The following PRMT8 variants were observed in gnomAD, a reference collection of about 807,000 sequenced individuals.
The protein encoded by PRMT8 is protein arginine N-methyltransferase 8.
A neutral mutation model predicts 47.1 loss-of-function variants in PRMT8; 7 were observed. The observed-to-expected ratio is 0.15, with a 90% CI of 0.08 to 0.28. The LOEUF (loss-of-function observed/expected upper bound fraction) is 0.28. PRMT8 is among the 10% of genes least tolerant of loss of function. The pLI, the probability that PRMT8 is intolerant of heterozygous loss-of-function variation, is 1.00. For missense variants in PRMT8, 237 were observed against 505.4 expected (o/e 0.47, Z 5.09); for synonymous variants, 188 against 186.5 (o/e 1.01, Z -0.07).
In PRMT8 at chr12:3,584,248, G is replaced by A. The variant is rs930661930; in HGVS notation, c.979+1040G>A. ...GCTCATGAGCCCTTGGTGGCTCTAT[G>A]TGTGTCCTAATTGCCTCTTCTAAGG... On this transcript the variant is annotated intron_variant, in intron 8 of 9. Coordinates refer to ENST00000382622, the MANE Select transcript of PRMT8 (RefSeq NM_019854.5). 2.0e-5 allele frequency among the ~76,000 whole-genome samples: 3 copies of A among 152,292 alleles called. No homozygotes were observed. In the East Asian group the frequency reaches 5.8e-4, roughly 29 times the overall value.
intron 1 of PRMT8, among the ~76,000 whole-genome samples, chr12:3,433,322 C>T (rs139632266): frequency 6.6e-6 from 1 of 152,328 alleles, no homozygotes; most frequent in African/African-American, 2.4e-5. Context: ...ATACCCTTCA[C>T]CAGGGGAATG....
rs151010469 is a variant in PRMT8, at chr12:3,414,601, C to G, written c.48+33159C>G. On this transcript the variant is annotated intron_variant, in intron 1 of 9. Transcript: ENST00000452611. ...AGGCCCCGCAGCAGCCTCCAAGCCC[C>G]TGCTCCCTCAATATCTGGGTTCTTG... is the stretch of plus-strand genomic sequence containing the variant. Among the ~76,000 whole-genome samples the G allele has an allele frequency of 5.8e-3, 884 of 152,306 alleles. 11 individuals are homozygous for G. Among genetic ancestry groups the G allele is most frequent in the African/African-American group, 0.021 (853 of 41,572 alleles).
At chr12:3,474,427 C>T (rs1490583404) in intron 1 of PRMT8, among the ~76,000 whole-genome samples, 1 of 152,178 alleles carries the variant, frequency 6.6e-6, no homozygotes, top group Non-Finnish European at 1.5e-5. Flanking sequence ...AGCCACCCAG[C>T]ATGCGGGACC....
intron 1 of PRMT8, among the ~76,000 whole-genome samples, chr12:3,432,977 C>A (rs542208449): frequency 3.5e-4 from 53 of 152,154 alleles, no homozygotes; most frequent in Non-Finnish European, 5.4e-4. Flanking sequence ...ACAGACCTAG[C>A]AGTGGGATTG....
intron 1 of PRMT8, among the ~76,000 whole-genome samples, chr12:3,410,007 G>C (rs1864410464): frequency 1.3e-5 from 2 of 152,188 alleles, no homozygotes; most frequent in Admixed American, 1.3e-4. Flanking sequence ...GTTACCTCTG[G>C]TTAGCTCCTG....
intron 1 of PRMT8, among the ~76,000 whole-genome samples, chr12:3,391,435 G>C (rs948390229): frequency 6.6e-6 from 1 of 152,218 alleles, no homozygotes; most frequent in African/African-American, 2.4e-5. Flanking sequence ...AGAGGGAACA[G>C]CCAGCACAAA....
At chr12:3,443,403 G>C (rs528490307) in intron 1 of PRMT8, among the ~76,000 whole-genome samples, 1 of 152,274 alleles carries the variant, frequency 6.6e-6, no homozygotes, top group Non-Finnish European at 1.5e-5. Context: ...CATTTGCCCA[G>C]TGTTGCTTAA....
chr12:3,406,098 G>A (rs555711472), intron 1 of PRMT8, among the ~76,000 whole-genome samples: 3 of 152,310 alleles, frequency 2.0e-5, no homozygotes, highest in South Asian at 2.1e-4. Flanking sequence ...TGTCTTCCAC[G>A]TACCCACAGG....
At chr12:3,490,390 C>A (rs1175975952), upstream of PRMT8, among the ~76,000 whole-genome samples, 1 of 152,082 alleles carries the variant, frequency 6.6e-6, no homozygotes, top group Non-Finnish European at 1.5e-5. Flanking sequence ...TGCTGCCGCC[C>A]AAACTCCCTT....
chr12:3,474,210 T>C (rs1865186997), intron 1 of PRMT8, among the ~76,000 whole-genome samples: 1 of 152,192 alleles, frequency 6.6e-6, no homozygotes, highest in South Asian at 2.1e-4. Context: ...GTGAGGGGCT[T>C]GCACTTGGAG....
intron 1 of PRMT8, among the ~76,000 whole-genome samples, chr12:3,407,106 G>A (rs1035105948): frequency 1.3e-5 from 2 of 152,142 alleles, no homozygotes; most frequent in African/African-American, 4.8e-5. Flanking sequence ...TTCTTAATAT[G>A]GTGGCAGGAA....
At chr12:3,425,685 G>A (rs1864596781) in intron 1 of PRMT8, among the ~76,000 whole-genome samples, 1 of 152,248 alleles carries the variant, frequency 6.6e-6, no homozygotes, top group Non-Finnish European at 1.5e-5. Flanking sequence ...TATTTCCCAT[G>A]GGACTCCAGC....
At chr12:3,408,814 C>G (rs1410582262) in intron 1 of PRMT8, among the ~76,000 whole-genome samples, 3 of 152,166 alleles carry the variant, frequency 2.0e-5, no homozygotes, top group African/African-American at 7.2e-5. Context: ...AGTATAGCCC[C>G]TGTGCAGTTT....
intron 1 of PRMT8, among the ~76,000 whole-genome samples, chr12:3,483,084 T>C (rs1865289970): frequency 6.6e-6 from 1 of 152,166 alleles, no homozygotes; most frequent in Non-Finnish European, 1.5e-5. Flanking sequence ...TTCTGAGCCA[T>C]CCTTCCGTGA....
At chr12:3,388,375 A>G (rs763643616) in intron 1 of PRMT8, among the ~76,000 whole-genome samples, 5 of 152,198 alleles carry the variant, frequency 3.3e-5, no homozygotes, top group East Asian at 3.9e-4. Context: ...TAAAATGTCA[A>G]TGTGTCCCAT....
chr12:3,495,447 CT>C (rs1303871478), intron 1 of PRMT8, among the ~76,000 whole-genome samples: 1 of 152,164 alleles, frequency 6.6e-6, no homozygotes, highest in African/African-American at 2.4e-5. Context: ...CCGGTCTTTC[CT>C]CCTTCTTCTC....
At chr12:3,410,696 A>G (rs1864419792) in intron 1 of PRMT8, among the ~76,000 whole-genome samples, 1 of 152,140 alleles carries the variant, frequency 6.6e-6, no homozygotes, top group African/African-American at 2.4e-5. Flanking sequence ...TTTAGTAGAA[A>G]CAGGGTTTTA....
chr12:3,438,486 A>G (rs952523546), intron 1 of PRMT8, among the ~76,000 whole-genome samples: 40 of 152,188 alleles, frequency 2.6e-4, no homozygotes, highest in African/African-American at 9.2e-4. Flanking sequence ...CCGCCATGAT[A>G]TCAACAAGGT....
In PRMT8 at chr12:3,554,474, G is replaced by A. The variant is rs554342134; in HGVS notation, c.481+760G>A. Among the ~76,000 whole-genome samples, 7 of 152,320 alleles carry A rather than the reference G, an allele frequency of 4.6e-5. No individual in the cohort carries two copies. In the South Asian group the frequency reaches 6.2e-4, roughly 14 times the overall value. On this transcript the variant is annotated intron_variant, in intron 4 of 9. Coordinates refer to ENST00000382622, the MANE Select transcript of PRMT8 (RefSeq NM_019854.5). Reference sequence around the variant, plus strand: ...TGTAGGCATCCTGTCCTACTGCGCCGGGGCTGCAGTGAGGCCGAGAGAGGA... The same window carrying A: ...TGTAGGCATCCTGTCCTACTGCGCCAGGGCTGCAGTGAGGCCGAGAGAGGA...
Sources: allele counts gnomAD v4.1 joint callset (sites outside exome capture counted in the v4.1 genomes callset), GRCh38; gene constraint gnomAD v4.1.1; transcripts MANE v1.5; gene names NCBI Gene and HGNC (gene_info 2026-07-23, HGNC 2026-07-21).